FCRL5: variants seen among roughly 807,000 people sequenced by gnomAD.
FCRL5 encodes the protein Fc receptor-like protein 5.
In FCRL5, 79 loss-of-function variants were observed where a neutral mutation model predicts 92.1. The ratio of observed to expected loss-of-function variants is 0.86; its 90% confidence interval spans 0.72 to 1.03. The LOEUF is 1.03. Ranked by LOEUF, FCRL5 falls within the 50% of genes least tolerant of loss-of-function variation. The pLI is 0.00. For missense variants in FCRL5, 1,160 were observed against 1,181.1 expected (o/e 0.98, Z 0.26); for synonymous variants, 466 against 469.3 (o/e 0.99, Z 0.09).
chr1:157,549,122 C>A (rs1357607787), intron 2 of FCRL5, among the ~76,000 whole-genome samples: 5 of 151,954 alleles, frequency 3.3e-5, no homozygotes, highest in Non-Finnish European at 7.4e-5. Flanking sequence ...ATGATGAGTT[C>A]ATGTCCTTTG....
chr1:157,544,561 C>G lies in FCRL5; in HGVS notation c.560-15G>C, dbSNP rs754089295. The G allele has an allele frequency of 6.2e-7, 1 of 1,610,516 alleles. No individual in the cohort carries two copies. Among genetic ancestry groups the G allele is most frequent in the African/African-American group, 1.3e-5 (1 of 74,826 alleles). On this transcript the variant is annotated splice_polypyrimidine_tract_variant and intron_variant, in intron 4 of 16. Transcript: ENST00000361835. ...TGTAAATGGCTCTAGAGAGAAGAAT[C>G]ACAACAGTCCCAGAGCAATGAGGCT... is the stretch of plus-strand genomic sequence containing the variant.
At chr1:157,540,543 T>C (rs971893066) in intron 6 of FCRL5, among the ~76,000 whole-genome samples, 1 of 151,548 alleles carries the variant, frequency 6.6e-6, no homozygotes, top group African/African-American at 2.4e-5. Flanking sequence ...AAAAAAACCA[T>C]CAGACAATAG....
intron 15 of FCRL5, among the ~76,000 whole-genome samples, chr1:157,517,649 T>G (rs886800959): frequency 1.3e-5 from 2 of 152,078 alleles, no homozygotes; most frequent in Admixed American, 6.6e-5. Flanking sequence ...GCCAACACCA[T>G]GATTTTAGCC....
Position 157,544,348 on chromosome 1 carries a change from T to C in FCRL5, c.758A>G (p.Lys253Arg). 1 of 1,614,208 alleles carries C rather than the reference T, an allele frequency of 6.2e-7. No homozygotes were observed. Among genetic ancestry groups the C allele is most frequent in the Non-Finnish European group, 8.5e-7 (1 of 1,180,034 alleles). Residue 253 changes from lysine (K) to arginine (R), a missense_variant, in exon 5 of 17, where the codon AAA (lysine) becomes AGA (arginine). Coordinates refer to ENST00000361835, the MANE Select transcript of FCRL5 (RefSeq NM_031281.3). ...PNFQITAMWS[K>R]DSGFYWCKAA... ...CTTACACCAGTAGAACCCTGAATCT[T>C]TACTCCACATGGCAGTAATCTGGAA...
intron 9 of FCRL5, among the ~76,000 whole-genome samples, chr1:157,526,185 G>A (rs1650417979): frequency 6.6e-6 from 1 of 152,178 alleles, no homozygotes; most frequent in African/African-American, 2.4e-5. Context: ...TTCACTGAAG[G>A]GAGGGTTTCA....
At chr1:157,543,162 A>G (rs1571106846) in intron 5 of FCRL5, 25 bp from the exon 6 acceptor site, 1 of 1,603,048 alleles carries the variant, frequency 6.2e-7, no homozygotes, top group Non-Finnish European at 8.5e-7. Flanking sequence ...AAATTAGTCA[A>G]GAATTGCTTT....
chr1:157,521,002 G>C lies in FCRL5; in HGVS notation c.2515+15C>G, dbSNP rs199960121. Reference sequence around the variant, plus strand: ...CATTTTGTCCGCATCTGTGGCCCGGGCACGGGAAACTTACCTGTGATATAA... The same window carrying C: ...CATTTTGTCCGCATCTGTGGCCCGGCCACGGGAAACTTACCTGTGATATAA... On this transcript the variant is annotated intron_variant, in intron 11 of 16. Transcript: ENST00000361835. 1.9e-6 allele frequency: 3 copies of C among 1,587,198 alleles called. No homozygotes were observed. The highest frequency in any genetic ancestry group is 2.6e-6 in the Non-Finnish European group (3 of 1,167,038).
chr1:157,531,698 T>C (rs1650704659), intron 8 of FCRL5, among the ~76,000 whole-genome samples: 1 of 152,176 alleles, frequency 6.6e-6, no homozygotes, highest in African/African-American at 2.4e-5. Flanking sequence ...GGATATCATA[T>C]TTAATGAAAT....
chr1:157,534,898 G>A lies in FCRL5; in HGVS notation c.1403-6C>T, dbSNP rs962921908. 4 of 1,519,954 alleles carry A rather than the reference G, an allele frequency of 2.6e-6. No homozygotes were observed. Among genetic ancestry groups the A allele is most frequent in the Non-Finnish European group, 2.6e-6 (3 of 1,136,996 alleles). 94.2% of individuals were successfully genotyped at this position (1,519,954 alleles called of 1,614,324 possible). Reference sequence around the variant, plus strand: ...GACAGGATGAGACACAGGGACTGAGGAAGAGAAAGATTGAATCAAGAGTTG... The same window carrying A: ...GACAGGATGAGACACAGGGACTGAGAAAGAGAAAGATTGAATCAAGAGTTG... On this transcript the variant is annotated splice_polypyrimidine_tract_variant and splice_region_variant and intron_variant, in intron 7 of 16. Coordinates refer to ENST00000361835, the MANE Select transcript of FCRL5 (RefSeq NM_031281.3).
At chr1:157,549,055 A>G (rs1314625069) in intron 2 of FCRL5, among the ~76,000 whole-genome samples, 1 of 152,122 alleles carries the variant, frequency 6.6e-6, no homozygotes, top group Admixed American at 6.5e-5. Context: ...ACAATGATAG[A>G]CTGGATCAAG....
rs1380287932 is a variant in FCRL5, at chr1:157,515,593, C to T, written c.*82G>A. On this transcript the variant is annotated 3_prime_UTR_variant, in exon 17 of 17. Coordinates refer to ENST00000361835, the MANE Select transcript of FCRL5 (RefSeq NM_031281.3). ...AGATATGGTCTGGGGCAGCCTAAAT[C>T]TTCCCACTTCAATGCTGCTTCTCCC... The T allele has an allele frequency of 6.2e-7, 1 of 1,613,386 alleles. No individual in the cohort carries two copies. Among genetic ancestry groups the T allele is most frequent in the East Asian group, 2.2e-5 (1 of 44,888 alleles).
At chr1:157,547,929 C>T (rs572002589) in intron 2 of FCRL5, among the ~76,000 whole-genome samples, 3 of 152,358 alleles carry the variant, frequency 2.0e-5, no homozygotes, top group Admixed American at 2.0e-4. Flanking sequence ...CTTTCTGTGC[C>T]TTTCTTTTTT....
intron 10 of FCRL5, chr1:157,521,971 C>G (rs1161646445): frequency 6.6e-6 from 1 of 152,192 alleles, no homozygotes; most frequent in African/African-American, 2.4e-5. Flanking sequence ...AAATTAGAGA[C>G]AACCTACTGG....
intron 7 of FCRL5, among the ~76,000 whole-genome samples, chr1:157,538,828 T>C (rs1309920747): frequency 1.3e-5 from 2 of 152,104 alleles, no homozygotes; most frequent in African/African-American, 2.4e-5. Context: ...AGAAAAGCAA[T>C]TGGCTGCTCA....
At chr1:157,551,460 A>G (rs1651807599) in intron 1 of FCRL5, among the ~76,000 whole-genome samples, 1 of 152,210 alleles carries the variant, frequency 6.6e-6, no homozygotes, top group South Asian at 2.1e-4. Flanking sequence ...GCTATTTTGA[A>G]TACAGTTTAT....
intron 8 of FCRL5, among the ~76,000 whole-genome samples, chr1:157,529,777 G>A (rs894607336): frequency 5.3e-5 from 8 of 152,192 alleles, no homozygotes; most frequent in African/African-American, 1.4e-4. Flanking sequence ...AGGACGCAAA[G>A]GCCTAAGCAT....
At chr1:157,544,091 T>C (rs577016728) in intron 5 of FCRL5, among the ~76,000 whole-genome samples, 171 bp downstream of exon 5, 15 of 152,262 alleles carry the variant, frequency 9.9e-5, no homozygotes, top group Admixed American at 2.6e-4. Flanking sequence ...TTTTCCTGGG[T>C]CTAAGCTCTT....
At chr1:157,534,105 T>A (rs1571093442) in intron 8 of FCRL5, 5 of 293,460 alleles carry the variant, frequency 1.7e-5, no homozygotes, top group Middle Eastern at 1.3e-3. Flanking sequence ...ATACTGATTT[T>A]AGCAGGTTAG....
intron 9 of FCRL5, among the ~76,000 whole-genome samples, chr1:157,525,644 T>C (rs1240187910): frequency 6.6e-6 from 1 of 152,198 alleles, no homozygotes; most frequent in Non-Finnish European, 1.5e-5. Context: ...GGCACTGCAG[T>C]AGTCAAAATG....
Sources: allele counts gnomAD v4.1 joint callset (sites outside exome capture counted in the v4.1 genomes callset), GRCh38; gene constraint gnomAD v4.1.1; transcripts MANE v1.5; gene names NCBI Gene and HGNC (gene_info 2026-07-23, HGNC 2026-07-21).